Variants in SLC1A1 observed in about 807,000 individuals in gnomAD.
The protein encoded by SLC1A1 is excitatory amino acid transporter 3.
Under a neutral mutation model 53.3 loss-of-function variants are expected in SLC1A1, and 43 were observed. The ratio of observed to expected loss-of-function variants is 0.81; its 90% confidence interval spans 0.63 to 1.04. The LOEUF is 1.04. Ranked by LOEUF, SLC1A1 falls within the 50% of genes least tolerant of loss-of-function variation. SLC1A1 has a pLI of 0.00. For missense variants in SLC1A1, 748 were observed against 664.9 expected, an observed-to-expected ratio of 1.12 and a Z score of -1.37; for synonymous variants, 307 against 243.2, an observed-to-expected ratio of 1.26 and a Z score of -2.44.
At chr9:4,571,131 A>G (rs1819995922) in intron 6 of SLC1A1, among the ~76,000 whole-genome samples, 2 of 152,188 alleles carry the variant, frequency 1.3e-5, no homozygotes, top group Admixed American at 1.3e-4. Flanking sequence ...TAACACAGGA[A>G]CAGAAAACCA....
rs1217322736 is a variant in SLC1A1 at position 4,505,168 on chromosome 9, TC to T, written c.91+14401del. On this transcript the variant is annotated intron_variant, in intron 1 of 11. Transcript: ENST00000262352. ...TTCAAGCGATTCTCCTGCCTCAGCC[TC>T]CCAAGTAGCTGGGATTACAGATGTG... Among the ~76,000 whole-genome samples, 4 of 147,658 alleles carry T rather than the reference TC, an allele frequency of 2.7e-5. No homozygotes were observed. The East Asian group carries it at 8.3e-4, about 31-fold the overall frequency.
chr9:4,575,480 C>T (rs1359957771), intron 8 of SLC1A1, among the ~76,000 whole-genome samples: 4 of 152,144 alleles, frequency 2.6e-5, no homozygotes, highest in Non-Finnish European at 2.9e-5. Context: ...AGCAAGACAG[C>T]AGCTTGGTGC....
intron 1 of SLC1A1, among the ~76,000 whole-genome samples, chr9:4,518,234 CAAAAA>C (rs34559140): frequency 3.3e-5 from 2 of 60,432 alleles, no homozygotes; most frequent in Admixed American, 5.1e-4. Flanking sequence ...TATTCCACCT[CAAAAA>C]AAAAAAAAAA....
At chr9:4,513,145 A>G (rs567801744) in intron 1 of SLC1A1, among the ~76,000 whole-genome samples, 13 of 152,326 alleles carry the variant, frequency 8.5e-5, no homozygotes, top group African/African-American at 2.9e-4. Context: ...CATGAGCTGG[A>G]GTTAGGCAAA....
At chr9:4,509,391 G>A (rs1289137457) in intron 1 of SLC1A1, among the ~76,000 whole-genome samples, 1 of 152,076 alleles carries the variant, frequency 6.6e-6, no homozygotes, top group Non-Finnish European at 1.5e-5. Flanking sequence ...AAGGGATGGT[G>A]AGGCACCCAG....
At chr9:4,558,587 C>T (rs528984264) in intron 2 of SLC1A1, among the ~76,000 whole-genome samples, 8 of 152,244 alleles carry the variant, frequency 5.3e-5, no homozygotes, top group Admixed American at 5.2e-4. Context: ...CTTTTATTGC[C>T]AGCTGAGTCC....
At chr9:4,517,437 C>A (rs1815890843) in intron 1 of SLC1A1, among the ~76,000 whole-genome samples, 1 of 152,170 alleles carries the variant, frequency 6.6e-6, no homozygotes, top group African/African-American at 2.4e-5. Context: ...CAACATAGCA[C>A]CTCTGTGGTG....
intron 3 of SLC1A1, among the ~76,000 whole-genome samples, chr9:4,561,826 C>T (rs1818974217): frequency 6.6e-6 from 1 of 152,216 alleles, no homozygotes; most frequent in Non-Finnish European, 1.5e-5. Context: ...GGCAGACAGA[C>T]TTCAAAGGAA....
intron 1 of SLC1A1, among the ~76,000 whole-genome samples, chr9:4,525,042 G>C (rs979686417): frequency 2.0e-5 from 3 of 152,152 alleles, no homozygotes; most frequent in Non-Finnish European, 2.9e-5. Flanking sequence ...CCCACTTACA[G>C]GCTTTAATAA....
In SLC1A1 at chr9:4,576,628, G is replaced by A; in HGVS notation, c.1058G>A (p.Arg353Lys). ...GAAGAAAATAACCAGGTGGACAAGA[G>A]GATCACTCGATTCGTGTTACCCGTT... is the stretch of plus-strand genomic sequence containing the variant. ...CAEENNQVDK[R>K]ITRFVLPVGA... The change falls in exon 10 of 12, where the codon AGG (arginine) becomes AAG (lysine). Residue 353 changes from arginine (R) to lysine (K), a missense_variant. Transcript: ENST00000262352. 6.2e-7 allele frequency: 1 copy of A among 1,614,160 alleles called. No homozygotes were observed. The highest frequency in any genetic ancestry group is 8.5e-7 in the Non-Finnish European group (1 of 1,180,000).
intron 1 of SLC1A1, among the ~76,000 whole-genome samples, chr9:4,515,609 T>TGAA (rs1821134839): frequency 1.8e-5 from 1 of 54,776 alleles, no homozygotes; most frequent in African/African-American, 7.6e-5. Context: ...TTGATGAACA[T>TGAA]CAACAATGTC....
At chr9:4,580,637 G>GTGTGTGTGTA (rs1554690391) in intron 10 of SLC1A1, among the ~76,000 whole-genome samples, 2 of 26,320 alleles carry the variant, frequency 7.6e-5, no homozygotes, top group South Asian at 9.6e-4. Context: ...GTGTGTGTGT[G>GTGTGTGTGTA]TGTGTGTGTG....
intron 2 of SLC1A1, among the ~76,000 whole-genome samples, chr9:4,550,962 C>T (rs1469607024): frequency 6.6e-6 from 1 of 152,138 alleles, no homozygotes; most frequent in Non-Finnish European, 1.5e-5. Context: ...CATTCATTTA[C>T]AAAAACAGGA....
chr9:4,561,682 A>G, intron 3 of SLC1A1, 141 bp downstream of exon 3: 1 of 720,862 alleles, frequency 1.4e-6, no homozygotes. Context: ...CCTTGAGGTC[A>G]GGGGTTTGAG....
chr9:4,552,872 T>G (rs1410031814), intron 2 of SLC1A1, among the ~76,000 whole-genome samples: 1 of 151,850 alleles, frequency 6.6e-6, no homozygotes, highest in Non-Finnish European at 1.5e-5. Context: ...ATAAAGTACC[T>G]GAACTGGCAG....
intron 1 of SLC1A1, among the ~76,000 whole-genome samples, chr9:4,500,063 C>A (rs546588177): frequency 2.0e-5 from 3 of 152,294 alleles, no homozygotes; most frequent in Non-Finnish European, 2.9e-5. Flanking sequence ...TTACCTTTAA[C>A]AGAGCCGAGA....
At chr9:4,539,577 T>G (rs1816832987) in intron 1 of SLC1A1, among the ~76,000 whole-genome samples, 1 of 152,104 alleles carries the variant, frequency 6.6e-6, no homozygotes, top group Non-Finnish European at 1.5e-5. Flanking sequence ...ACTTATTTAT[T>G]TATTTATTTT....
At chr9:4,504,093 C>T (rs972763236) in intron 1 of SLC1A1, among the ~76,000 whole-genome samples, 2 of 151,676 alleles carry the variant, frequency 1.3e-5, no homozygotes, top group African/African-American at 4.8e-5. Flanking sequence ...GAGAGCATCT[C>T]TGTACCCTAA....
At position 4,549,457 on chromosome 9, in the gene SLC1A1, G is replaced by A. The variant is rs1364922335; in HGVS notation, c.232+4750G>A. On this transcript the variant is annotated intron_variant, in intron 2 of 11. Coordinates refer to ENST00000262352, the MANE Select transcript of SLC1A1 (RefSeq NM_004170.6). The surrounding 1 kb of genome is among the most constrained non-coding windows in gnomAD (Gnocchi z 4.1). ...AACCAAAAGCAGATGAAACACCAAT[G>A]GTGACATCCAACTGCTCCCTGAAGG... Among the ~76,000 whole-genome samples, 1 of 152,160 alleles carries A rather than the reference G, an allele frequency of 6.6e-6. No homozygotes were observed. Among genetic ancestry groups the A allele is most frequent in the Non-Finnish European group, 1.5e-5 (1 of 68,034 alleles).
Sources: allele counts gnomAD v4.1 joint callset (sites outside exome capture counted in the v4.1 genomes callset), GRCh38; gene constraint gnomAD v4.1.1; non-coding constraint Gnocchi (gnomAD v3.1); transcripts MANE v1.5; gene names NCBI Gene and HGNC (gene_info 2026-07-23, HGNC 2026-07-21).